The following DNER variants were observed in gnomAD, a reference collection of about 807,000 sequenced individuals.
DNER encodes the protein delta and Notch-like epidermal growth factor-related receptor.
A neutral mutation model predicts 78.2 loss-of-function variants in DNER; 33 were observed. The ratio of observed to expected loss-of-function variants is 0.42; its 90% CI spans 0.32 to 0.56. The LOEUF is 0.56. Ranked by LOEUF, DNER falls within the 20% of genes least tolerant of loss-of-function variation. DNER has a pLI of 0.11. For missense variants in DNER, 918 were observed against 975.3 expected, an observed-to-expected ratio of 0.94 and a Z score of 0.78; for synonymous variants, 417 against 384.8, an observed-to-expected ratio of 1.08 and a Z score of -0.98.
At chr2:229,652,377 C>T (rs1386982318) in intron 1 of DNER, among the ~76,000 whole-genome samples, 2 of 152,214 alleles carry the variant, frequency 1.3e-5, no homozygotes, top group African/African-American at 4.8e-5. Flanking sequence ...GTAAGACCAA[C>T]TAACACTTAA....
chr2:229,449,762 T>C (rs1414567470), intron 7 of DNER, among the ~76,000 whole-genome samples: 2 of 152,062 alleles, frequency 1.3e-5, no homozygotes, highest in African/African-American at 4.8e-5. Flanking sequence ...TGCTCAGAAA[T>C]AGAAATCAAT....
At chr2:229,623,303 C>T (rs1014398810) in intron 1 of DNER, among the ~76,000 whole-genome samples, 1 of 152,150 alleles carries the variant, frequency 6.6e-6, no homozygotes, top group Non-Finnish European at 1.5e-5. Context: ...ACCAGTGCTC[C>T]TCATGAGCTA....
intron 6 of DNER, among the ~76,000 whole-genome samples, chr2:229,494,726 G>A (rs1695467026): frequency 6.6e-6 from 1 of 152,196 alleles, no homozygotes; most frequent in Admixed American, 6.5e-5. Flanking sequence ...GGGAGTTACA[G>A]CCCCGCTGAT....
intron 1 of DNER, among the ~76,000 whole-genome samples, chr2:229,652,488 A>G (rs903891757): frequency 3.9e-5 from 6 of 152,194 alleles, no homozygotes; most frequent in Non-Finnish European, 7.4e-5. Flanking sequence ...ACATAAGCAA[A>G]TGGTCCCAAT....
chr2:229,687,613 T>G (rs1357849042), intron 1 of DNER, among the ~76,000 whole-genome samples: 7 of 152,178 alleles, frequency 4.6e-5, no homozygotes, highest in Non-Finnish European at 1.0e-4. Flanking sequence ...AGGGATATTA[T>G]GAAATCAAAA....
In DNER at chr2:229,447,499, C is replaced by A. The variant is rs769511648; in HGVS notation, c.1303G>T (p.Ala435Ser). The part of the protein sequence containing the change: ...SACEEKVDPC[A>S]SSPCQNNGTC... ...CCGTTGTTCTGGCACGGAGACGAGGCGCAGGGGTCCACCTTTTCTTCACAA... is the reference window on the plus strand; with the variant it reads ...CCGTTGTTCTGGCACGGAGACGAGGAGCAGGGGTCCACCTTTTCTTCACAA... The change falls in exon 8 of 13, where the codon GCC (alanine) becomes TCC (serine). Residue 435 changes from alanine (A) to serine (S), a missense_variant. Transcript: ENST00000341772. 6 of 1,614,116 alleles carry A rather than the reference C, an allele frequency of 3.7e-6. No individual in the cohort carries two copies. The highest frequency in any genetic ancestry group is 2.2e-5 in the East Asian group (1 of 44,878).
chr2:229,707,033 C>T (rs1017316664), intron 1 of DNER, among the ~76,000 whole-genome samples: 1 of 151,878 alleles, frequency 6.6e-6, no homozygotes, highest in Non-Finnish European at 1.5e-5. Context: ...TTTTTTCCCC[C>T]GAGACAGAGT....
chr2:229,645,148 C>G (rs1698693994), intron 1 of DNER, among the ~76,000 whole-genome samples: 1 of 152,108 alleles, frequency 6.6e-6, no homozygotes, highest in Non-Finnish European at 1.5e-5. Flanking sequence ...AGGCACACAC[C>G]ACCACACCCG....
intron 10 of DNER, among the ~76,000 whole-genome samples, chr2:229,391,259 A>C (rs1194984902): frequency 1.3e-5 from 2 of 152,316 alleles, no homozygotes; most frequent in East Asian, 3.9e-4. Context: ...TCCATTCTCA[A>C]TCAATATTCG....
intron 1 of DNER, among the ~76,000 whole-genome samples, chr2:229,665,661 A>G (rs892150792): frequency 2.6e-5 from 4 of 152,334 alleles, no homozygotes; most frequent in African/African-American, 9.6e-5. Flanking sequence ...ACCCTACTCA[A>G]TGTTAGATAT....
intron 11 of DNER, among the ~76,000 whole-genome samples, chr2:229,381,048 T>C (rs1692724150): frequency 6.6e-6 from 1 of 152,198 alleles, no homozygotes; most frequent in African/African-American, 2.4e-5. Context: ...AGGCAGCTGA[T>C]TTCTGCATTT....
At chr2:229,579,295 A>G (rs192275198) in intron 4 of DNER, among the ~76,000 whole-genome samples, 2 of 152,236 alleles carry the variant, frequency 1.3e-5, no homozygotes, top group Admixed American at 1.3e-4. Flanking sequence ...TCACTCAGAG[A>G]CCACACCTAA....
intron 7 of DNER, among the ~76,000 whole-genome samples, chr2:229,461,457 G>T (rs887900155): frequency 1.3e-5 from 2 of 151,770 alleles, no homozygotes; most frequent in Non-Finnish European, 1.5e-5. Context: ...AATTAGTTAT[G>T]GTGGCAAAGG....
intron 11 of DNER, among the ~76,000 whole-genome samples, chr2:229,374,345 T>C (rs953478070): frequency 6.6e-6 from 1 of 152,106 alleles, no homozygotes; most frequent in Non-Finnish European, 1.5e-5. Context: ...CATCACACAA[T>C]GTACCCAGGT....
intron 1 of DNER, among the ~76,000 whole-genome samples, chr2:229,672,515 G>A (rs969504375): frequency 6.6e-6 from 1 of 151,308 alleles, no homozygotes; most frequent in African/African-American, 2.4e-5. Context: ...AGGGGAGAGA[G>A]GGAAAGACAG....
chr2:229,616,553 C>G (rs773771580), intron 1 of DNER, among the ~76,000 whole-genome samples: 1 of 152,170 alleles, frequency 6.6e-6, no homozygotes, highest in Non-Finnish European at 1.5e-5. Flanking sequence ...GTGTATGTCC[C>G]TCCTTCCTCT....
chr2:229,651,989 A>G (rs1469982716), intron 1 of DNER, among the ~76,000 whole-genome samples: 1 of 152,216 alleles, frequency 6.6e-6, no homozygotes, highest in Non-Finnish European at 1.5e-5. Context: ...CTCAATTAGA[A>G]AAGGAAAAAT....
intron 11 of DNER, among the ~76,000 whole-genome samples, chr2:229,381,656 C>T (rs182416012): frequency 1.4e-4 from 21 of 152,240 alleles, no homozygotes; most frequent in Non-Finnish European, 2.4e-4. Flanking sequence ...TAAACAAAGC[C>T]GCCAGGAAGT....
intron 6 of DNER, among the ~76,000 whole-genome samples, chr2:229,477,571 G>A (rs559823860): frequency 6.5e-4 from 99 of 152,208 alleles, no homozygotes; most frequent in Non-Finnish European, 1.2e-3. Context: ...TGAGGATCAC[G>A]TTGGTAGCTT....
Sources: allele counts gnomAD v4.1 joint callset (sites outside exome capture counted in the v4.1 genomes callset), GRCh38; gene constraint gnomAD v4.1.1; transcripts MANE v1.5; gene names NCBI Gene and HGNC (gene_info 2026-07-23, HGNC 2026-07-21).